ROBO2: variants seen among roughly 807,000 people sequenced by gnomAD.
The protein encoded by ROBO2 is roundabout homolog 2.
ROBO2 carries 53 observed loss-of-function variants against 160.8 expected under a neutral mutation model. The observed-to-expected ratio is 0.33, with a 90% confidence interval of 0.26 to 0.41. ROBO2 has a LOEUF of 0.41. Among genes scored for constraint, ROBO2 ranks in the 10% least tolerant of loss-of-function variants. The pLI is 1.00. For missense variants in ROBO2, 1,577 were observed against 1,722.4 expected (o/e 0.92, Z 1.49); for synonymous variants, 664 against 611.7 (o/e 1.09, Z -1.26).
At chr3:76,104,968 C>G (rs1346904215) in intron 2 of ROBO2, among the ~76,000 whole-genome samples, 2 of 152,142 alleles carry the variant, frequency 1.3e-5, no homozygotes, top group African/African-American at 4.8e-5. Context: ...GAACACCTTC[C>G]AAACTGAAGG....
rs545330096 is a variant in ROBO2 at position 77,291,891 on chromosome 3, G to A, written c.389-185523G>A. Among the ~76,000 whole-genome samples, 32 of 151,942 alleles carry A rather than the reference G, an allele frequency of 2.1e-4. 2 individuals carry two copies. Among genetic ancestry groups the A allele is most frequent in the Middle Eastern group, 3.4e-3 (1 of 292 alleles). On this transcript the variant is annotated intron_variant, in intron 2 of 25. Transcript: ENST00000461745. ...CATAAAGTAAAATTGATGGATAAACGGGTAAGCTGAGGCTAGATCACCCCA... is the reference window on the plus strand; with the variant it reads ...CATAAAGTAAAATTGATGGATAAACAGGTAAGCTGAGGCTAGATCACCCCA...
intron 2 of ROBO2, among the ~76,000 whole-genome samples, chr3:76,075,167 C>T (rs1261805961): frequency 6.6e-6 from 1 of 151,736 alleles, no homozygotes; most frequent in Admixed American, 6.6e-5. Context: ...TTGTGTGGAG[C>T]CCTGTCACCC....
rs1577163142 is a variant in ROBO2, at chr3:76,434,864, T to C, written c.109+497262T>C. On this transcript the variant is annotated intron_variant, in intron 2 of 26. Transcript: ENST00000487694. ...CTCACAAGAACCCTGCCCTGAAGGC[T>C]CAGAGTGGTCCAGTATGCAGTGGCC... 17 of 1,584,594 alleles carry C rather than the reference T, an allele frequency of 1.1e-5. No individual in the cohort carries two copies. The East Asian group carries it at 3.6e-4, about 33-fold the overall frequency.
intron 5 of ROBO2, among the ~76,000 whole-genome samples, chr3:77,496,503 T>C (rs1048919761): frequency 1.3e-5 from 2 of 152,170 alleles, no homozygotes; most frequent in Non-Finnish European, 2.9e-5. Flanking sequence ...ATCAACAACA[T>C]TGATTCTATT....
intron 2 of ROBO2, among the ~76,000 whole-genome samples, chr3:75,949,662 A>G (rs1948461479): frequency 6.6e-6 from 1 of 152,020 alleles, no homozygotes; most frequent in Admixed American, 6.6e-5. Context: ...ACTAAAGTAG[A>G]TTTTGTCATC....
chr3:77,503,185 C>T (rs936716590), intron 5 of ROBO2, among the ~76,000 whole-genome samples: 1 of 151,690 alleles, frequency 6.6e-6, no homozygotes, highest in African/African-American at 2.4e-5. Context: ...CTCACGTACC[C>T]TACTATGTAC....
chr3:76,715,022 CT>C (rs1359560785), intron 2 of ROBO2, among the ~76,000 whole-genome samples: 3 of 152,174 alleles, frequency 2.0e-5, no homozygotes, highest in Middle Eastern at 3.4e-3. Flanking sequence ...ACATTTTAAG[CT>C]TTTGATCTAT....
chr3:76,734,379 A>G (rs2093678586), intron 2 of ROBO2, among the ~76,000 whole-genome samples: 1 of 152,162 alleles, frequency 6.6e-6, no homozygotes, highest in African/African-American at 2.4e-5. Flanking sequence ...CTGAGATCCT[A>G]CCAGGCAAAC....
intron 9 of ROBO2, among the ~76,000 whole-genome samples, chr3:77,561,574 C>T (rs2153661191): frequency 6.6e-6 from 1 of 152,192 alleles, no homozygotes; most frequent in African/African-American, 2.4e-5. Context: ...AGTCCTTTGC[C>T]ACTCTTCTGA....
At chr3:77,199,339 C>G (rs1469220084) in intron 2 of ROBO2, among the ~76,000 whole-genome samples, 1 of 152,114 alleles carries the variant, frequency 6.6e-6, no homozygotes, top group Non-Finnish European at 1.5e-5. Flanking sequence ...TGGTTGAACA[C>G]CAGTTGGGGA....
At chr3:75,977,474 T>G (rs2065162212) in intron 2 of ROBO2, among the ~76,000 whole-genome samples, 4 of 151,578 alleles carry the variant, frequency 2.6e-5, no homozygotes, top group African/African-American at 9.7e-5. Context: ...TTTGAATCCA[T>G]AAAGTTGGAA....
intron 2 of ROBO2, among the ~76,000 whole-genome samples, chr3:76,640,539 T>TAATAAATAAATAAATA (rs56257359): frequency 2.5e-4 from 36 of 144,604 alleles, no homozygotes; most frequent in African/African-American, 5.7e-4. Context: ...GTCTCAAAAA[T>TAATAAATAAATAAATA]AATAAATAAA....
At chr3:76,763,452 T>C (rs1019719776) in intron 2 of ROBO2, among the ~76,000 whole-genome samples, 1 of 151,792 alleles carries the variant, frequency 6.6e-6, no homozygotes, top group African/African-American at 2.4e-5. Context: ...ATTATTTATT[T>C]CAACTCTTCA....
rs552024227 is a variant in ROBO2, at chr3:76,147,160, A to G, written c.109+209558A>G. On this transcript the variant is annotated intron_variant, in intron 2 of 26. Transcript: ENST00000487694. ...AAAAAGAAAATTTCTTGAGAACAAA[A>G]ATAAAATAATAAAAATTGAGTAGAA... Among the ~76,000 whole-genome samples, 87 of 152,034 alleles carry G rather than the reference A, an allele frequency of 5.7e-4. 1 individual carries two copies. The highest frequency in any genetic ancestry group is 1.7e-3 in the South Asian group (8 of 4,818).
intron 2 of ROBO2, among the ~76,000 whole-genome samples, chr3:76,991,519 TAA>T (rs1414815972): frequency 6.6e-6 from 1 of 152,208 alleles, no homozygotes; most frequent in Non-Finnish European, 1.5e-5. Flanking sequence ...GGGAGTTGTA[TAA>T]GTCATGGTTC....
chr3:76,580,347 T>G (rs2085612663), intron 2 of ROBO2, among the ~76,000 whole-genome samples: 1 of 147,692 alleles, frequency 6.8e-6, no homozygotes, highest in Non-Finnish European at 1.5e-5. Flanking sequence ...TTTGTGTTTT[T>G]TTTTTTGTTT....
intron 2 of ROBO2, among the ~76,000 whole-genome samples, chr3:77,108,325 C>CAT (rs1050669221): frequency 1.7e-4 from 24 of 144,124 alleles, no homozygotes; most frequent in East Asian, 4.2e-4. Flanking sequence ...TACACATATG[C>CAT]ATATATATAT....
At chr3:77,527,796 G>T (rs1379704421) in intron 6 of ROBO2, among the ~76,000 whole-genome samples, 1 of 151,422 alleles carries the variant, frequency 6.6e-6, no homozygotes, top group Non-Finnish European at 1.5e-5. Flanking sequence ...AAAAAGTTAT[G>T]AACTAAATTA....
chr3:76,340,184 A>G (rs1004819517), intron 2 of ROBO2, among the ~76,000 whole-genome samples: 13 of 152,146 alleles, frequency 8.5e-5, no homozygotes, highest in Admixed American at 6.5e-5. Flanking sequence ...TTTTACTAGT[A>G]GAGCAGGAAC....
Sources: allele counts gnomAD v4.1 joint callset (sites outside exome capture counted in the v4.1 genomes callset), GRCh38; gene constraint gnomAD v4.1.1; transcripts MANE v1.5; gene names NCBI Gene and HGNC (gene_info 2026-07-23, HGNC 2026-07-21).